Variants in PCDH7 observed in about 807,000 individuals in gnomAD.
The protein encoded by PCDH7 is protocadherin-7.
In PCDH7, 17 loss-of-function variants were observed where a neutral mutation model predicts 58.9. The observed-to-expected ratio is 0.29, with a 90% CI of 0.20 to 0.43. PCDH7 has a LOEUF of 0.43. Among genes scored for constraint, PCDH7 ranks in the 20% least tolerant of loss-of-function variants. The pLI is 1.00. For synonymous variants in PCDH7, 664 were observed against 616.4 expected, an observed-to-expected ratio of 1.08 and a Z score of -1.14; for missense variants, 1,274 against 1,441.0, an observed-to-expected ratio of 0.88 and a Z score of 1.88.
intron 3 of PCDH7, among the ~76,000 whole-genome samples, chr4:31,093,113 A>G (rs1383254417): frequency 4.6e-5 from 7 of 152,128 alleles, no homozygotes; most frequent in Non-Finnish European, 1.0e-4. Flanking sequence ...TGATGGGCAC[A>G]TGGATGATGT....
chr4:31,087,184 G>A (rs1370196929), intron 3 of PCDH7, among the ~76,000 whole-genome samples: 1 of 152,108 alleles, frequency 6.6e-6, no homozygotes, highest in South Asian at 2.1e-4. Context: ...CACCCTGTTC[G>A]AATAATTTCT....
At chr4:31,101,461 T>C (rs1714883029) in intron 3 of PCDH7, among the ~76,000 whole-genome samples, 1 of 152,206 alleles carries the variant, frequency 6.6e-6, no homozygotes, top group African/African-American at 2.4e-5. Flanking sequence ...TGTATGCATG[T>C]GACACAATGA....
At chr4:30,727,491 T>C (rs1035984121) in intron 1 of PCDH7, among the ~76,000 whole-genome samples, 1 of 151,968 alleles carries the variant, frequency 6.6e-6, no homozygotes. Context: ...ATTCACACTT[T>C]AGAAAAACTC....
chr4:30,868,538 T>G (rs1735157034), intron 1 of PCDH7, among the ~76,000 whole-genome samples: 1 of 152,094 alleles, frequency 6.6e-6, no homozygotes, highest in African/African-American at 2.4e-5. Flanking sequence ...CTGTTTGTAA[T>G]GGCAATTCCT....
chr4:30,782,592 G>A (rs983049222), intron 1 of PCDH7, among the ~76,000 whole-genome samples: 1 of 152,152 alleles, frequency 6.6e-6, no homozygotes, highest in Admixed American at 6.5e-5. Flanking sequence ...TAACAGCAAA[G>A]CATGCAAATT....
intron 3 of PCDH7, among the ~76,000 whole-genome samples, chr4:31,031,696 T>C (rs1754929718): frequency 6.6e-6 from 1 of 152,202 alleles, no homozygotes; most frequent in Non-Finnish European, 1.5e-5. Context: ...TTCAATAGAT[T>C]TTGTTCTTTT....
chr4:30,837,125 A>G (rs1349096894), intron 1 of PCDH7, among the ~76,000 whole-genome samples: 1 of 152,100 alleles, frequency 6.6e-6, no homozygotes, highest in Non-Finnish European at 1.5e-5. Flanking sequence ...TTTACATTGA[A>G]TCAATGATTG....
intron 1 of PCDH7, among the ~76,000 whole-genome samples, chr4:30,772,831 A>G (rs1191189958): frequency 6.6e-6 from 1 of 152,242 alleles, no homozygotes; most frequent in Non-Finnish European, 1.5e-5. Context: ...GTGTTTTTAC[A>G]TGTATTATCT....
intron 1 of PCDH7, among the ~76,000 whole-genome samples, chr4:30,836,554 A>G (rs16884163): frequency 0.26 from 39,877 of 152,066 alleles, 5,936 homozygotes; most frequent in African/African-American, 0.41. Flanking sequence ...AGGAGATTGT[A>G]TATGTTGGCA....
At chr4:30,970,767 T>G (rs1414764393) in intron 3 of PCDH7, among the ~76,000 whole-genome samples, 1 of 152,196 alleles carries the variant, frequency 6.6e-6, no homozygotes, top group East Asian at 1.9e-4. Flanking sequence ...AGATGAAGGA[T>G]TTTGTATATT....
chr4:30,910,183 G>C (rs997296936), intron 1 of PCDH7, among the ~76,000 whole-genome samples: 2 of 152,102 alleles, frequency 1.3e-5, no homozygotes, highest in Non-Finnish European at 2.9e-5. Flanking sequence ...ACTCAAGATG[G>C]ATTAAAGATT....
At chr4:31,136,402 A>T (rs570894308) in intron 3 of PCDH7, among the ~76,000 whole-genome samples, 26 of 152,302 alleles carry the variant, frequency 1.7e-4, no homozygotes, top group African/African-American at 6.3e-4. Context: ...AATCACACTG[A>T]GCAATACTGG....
intron 3 of PCDH7, among the ~76,000 whole-genome samples, chr4:31,069,323 C>T (rs1246499469): frequency 6.6e-6 from 1 of 151,946 alleles, no homozygotes; most frequent in African/African-American, 2.4e-5. Context: ...AAACCTCATC[C>T]ACTTCATTTG....
rs529696901 is a variant in PCDH7 at position 31,057,980 on chromosome 4, G to C, written c.*8-84493G>C. Among the ~76,000 whole-genome samples, 55 of 152,156 alleles carry C rather than the reference G, an allele frequency of 3.6e-4. 1 individual carries two copies. Among genetic ancestry groups the C allele is most frequent in the African/African-American group, 1.3e-3 (52 of 41,554 alleles). The stretch of plus-strand genomic sequence containing the variant: ...AATCTTCTAGTGGATGCTCACAGGA[G>C]AGTCTTAGGATTTAAATATCCAATT... On this transcript the variant is annotated intron_variant, in intron 3 of 3. Coordinates refer to the PCDH7 transcript ENST00000509759.
At chr4:30,724,006 A>C in exon 1 of PCDH7, 1 of 1,614,136 alleles carries the variant, frequency 6.2e-7, no homozygotes, top group Non-Finnish European at 8.5e-7. Context: ...CATCCCACTC[A>C]CCCAGGATAT....
At chr4:30,737,883 C>A (rs1716522818), downstream of PCDH7, among the ~76,000 whole-genome samples, 2 of 152,140 alleles carry the variant, frequency 1.3e-5, no homozygotes, top group Non-Finnish European at 2.9e-5. Flanking sequence ...TGACAAAATA[C>A]CCCAGACCGG....
At chr4:31,117,335 G>A (rs1017312712) in intron 3 of PCDH7, among the ~76,000 whole-genome samples, 3 of 152,132 alleles carry the variant, frequency 2.0e-5, no homozygotes, top group African/African-American at 7.2e-5. Flanking sequence ...CAGCAAATGG[G>A]TGCTGTACCC....
At chr4:30,780,664 G>T (rs1396603532) in intron 1 of PCDH7, among the ~76,000 whole-genome samples, 1 of 152,086 alleles carries the variant, frequency 6.6e-6, no homozygotes, top group Non-Finnish European at 1.5e-5. Flanking sequence ...GCATTCTCTT[G>T]ACAAATAGTT....
chr4:31,045,594 C>T (rs1017500245), intron 3 of PCDH7, among the ~76,000 whole-genome samples: 1 of 151,982 alleles, frequency 6.6e-6, no homozygotes, highest in African/African-American at 2.4e-5. Context: ...TGATTTGCTA[C>T]AGTTTGGGAT....
Sources: allele counts gnomAD v4.1 joint callset (sites outside exome capture counted in the v4.1 genomes callset), GRCh38; gene constraint gnomAD v4.1.1; transcripts MANE v1.5; gene names NCBI Gene and HGNC (gene_info 2026-07-23, HGNC 2026-07-21).